Variants in STPG2 observed in about 807,000 individuals in gnomAD.
STPG2 encodes the protein sperm-tail PG-rich repeat-containing protein 2.
Under a neutral mutation model 54.2 loss-of-function variants are expected in STPG2, and 56 were observed. The ratio of observed to expected loss-of-function variants is 1.03; its 90% CI spans 0.83 to 1.29. The LOEUF (loss-of-function observed/expected upper bound fraction) is 1.29, where lower values mean the gene tolerates loss of function less well. Among genes scored for constraint, STPG2 ranks in the 50% most tolerant of loss-of-function variants. The pLI, the probability that STPG2 is intolerant of heterozygous loss-of-function variation, is 0.00. For synonymous variants in STPG2, 200 were observed against 181.8 expected, an observed-to-expected ratio of 1.10 and a Z score of -0.81; for missense variants, 596 against 544.9, an observed-to-expected ratio of 1.09 and a Z score of -0.93.
At chr4:97,913,935 T>A (rs1386067857) in intron 8 of STPG2, among the ~76,000 whole-genome samples, 1 of 152,104 alleles carries the variant, frequency 6.6e-6, no homozygotes, top group South Asian at 2.1e-4. Flanking sequence ...TTTATTTCAA[T>A]CAGAAATAAC....
At chr4:97,883,247 C>T (rs1730446189) in intron 8 of STPG2, among the ~76,000 whole-genome samples, 1 of 150,842 alleles carries the variant, frequency 6.6e-6, no homozygotes, top group African/African-American at 2.4e-5. Flanking sequence ...AATTAACTGG[C>T]CTTGTTGGTG....
chr4:97,875,102 G>A (rs1424659625), intron 8 of STPG2, among the ~76,000 whole-genome samples: 1 of 151,928 alleles, frequency 6.6e-6, no homozygotes, highest in Non-Finnish European at 1.5e-5. Flanking sequence ...CATTTAGATT[G>A]TTTCCAGTTT....
At chr4:97,660,948 C>T (rs569193178) in intron 10 of STPG2, among the ~76,000 whole-genome samples, 3 of 152,176 alleles carry the variant, frequency 2.0e-5, no homozygotes, top group East Asian at 3.9e-4. Flanking sequence ...TTGGGGTTCA[C>T]AGTCCTAGCA....
chr4:97,908,251 A>G (rs10132485), intron 8 of STPG2, among the ~76,000 whole-genome samples: 1 of 152,276 alleles, frequency 6.6e-6, no homozygotes, highest in African/African-American at 2.4e-5. Flanking sequence ...GCAGCCAAAA[A>G]ACACATGAAA....
chr4:98,086,987 C>T (rs1738538315), intron 5 of STPG2, among the ~76,000 whole-genome samples: 2 of 152,122 alleles, frequency 1.3e-5, no homozygotes, highest in Non-Finnish European at 2.9e-5. Context: ...GTATCGTTGT[C>T]AACAGCACAC....
At chr4:97,987,253 T>A (rs1459530795) in intron 5 of STPG2, among the ~76,000 whole-genome samples, 1 of 151,950 alleles carries the variant, frequency 6.6e-6, no homozygotes, top group Admixed American at 6.6e-5. Flanking sequence ...TCAGAAAAAA[T>A]TATCCAGCTC....
At position 97,931,470 on chromosome 4, in the gene STPG2, T is replaced by C. The variant is rs561203155; in HGVS notation, c.1044+12427A>G. On this transcript the variant is annotated intron_variant, in intron 8 of 10. Coordinates refer to ENST00000295268, the MANE Select transcript of STPG2 (RefSeq NM_174952.3). The stretch of plus-strand genomic sequence containing the variant: ...TGGTTTTTGTCTCTAGTTTGGCTTA[T>C]GTGATAAATCGCATTATCAATTTGC... Among the ~76,000 whole-genome samples, 188 of 152,322 alleles carry C rather than the reference T, an allele frequency of 1.2e-3. 1 individual carries two copies. The highest frequency in any genetic ancestry group is 3.9e-3 in the African/African-American group (161 of 41,572).
intron 7 of STPG2, among the ~76,000 whole-genome samples, chr4:97,950,218 A>G (rs1415889627): frequency 6.6e-6 from 1 of 151,916 alleles, no homozygotes; most frequent in Non-Finnish European, 1.5e-5. Context: ...ACTTTCTCTT[A>G]TTCCTCAAAA....
rs903138398 is a variant in STPG2, at chr4:97,669,042, T to TA, written c.1320+43656dup. On this transcript the variant is annotated intron_variant, in intron 10 of 10. Transcript: ENST00000295268. ...GACATGAACAATGATCCAGAGAGGTTAAAAAAAAAAATCAGGAAGAAGTCG... is the reference window on the plus strand; with the variant it reads ...GACATGAACAATGATCCAGAGAGGTTAAAAAAAAAAAATCAGGAAGAAGTCG... 7.2e-4 allele frequency among the ~76,000 whole-genome samples: 105 copies of TA among 146,508 alleles called. No individual in the cohort carries two copies. The Middle Eastern group carries it at 0.021, about 29-fold the overall frequency.
At chr4:97,966,093 C>T (rs1734087707) in intron 7 of STPG2, among the ~76,000 whole-genome samples, 1 of 152,116 alleles carries the variant, frequency 6.6e-6, no homozygotes, top group South Asian at 2.1e-4. Context: ...GCTAAAGGAG[C>T]ATGTTTGAGC....
chr4:97,976,577 G>A (rs1734506608), intron 6 of STPG2, among the ~76,000 whole-genome samples: 1 of 152,104 alleles, frequency 6.6e-6, no homozygotes, highest in Non-Finnish European at 1.5e-5. Context: ...GAGTTAAAAG[G>A]TTTAGGGGTG....
At chr4:97,904,345 C>A (rs1334479934) in intron 8 of STPG2, among the ~76,000 whole-genome samples, 2 of 152,222 alleles carry the variant, frequency 1.3e-5, no homozygotes, top group Non-Finnish European at 1.5e-5. Context: ...GGCAGACTGA[C>A]ACCTCACACG....
At chr4:97,670,931 C>T (rs562531648) in intron 10 of STPG2, among the ~76,000 whole-genome samples, 1 of 152,280 alleles carries the variant, frequency 6.6e-6, no homozygotes, top group Admixed American at 6.5e-5. Context: ...ACAATGGGAA[C>T]ATTCATCTTG....
At position 97,868,863 on chromosome 4, in the gene STPG2, T is replaced by C. The variant is rs966726312; in HGVS notation, c.1045-27931A>G. Among the ~76,000 whole-genome samples the C allele has an allele frequency of 3.2e-4, 48 of 151,982 alleles. 4 individuals carry two copies. Among genetic ancestry groups the C allele is most frequent in the Non-Finnish European group, 2.9e-5 (2 of 67,952 alleles). ...TTGCCTGATAAATATTCTCAATTTCTTTTAAAAGGTCATCCTTACATTTTT... is the reference window on the plus strand; with the variant it reads ...TTGCCTGATAAATATTCTCAATTTCCTTTAAAAGGTCATCCTTACATTTTT... On this transcript the variant is annotated intron_variant, in intron 8 of 10. Transcript: ENST00000295268.
intron 4 of STPG2, among the ~76,000 whole-genome samples, chr4:97,499,993 G>GCTTCACTT (rs1730690284): frequency 6.6e-6 from 1 of 151,996 alleles, no homozygotes; most frequent in African/African-American, 2.4e-5. Flanking sequence ...GTGAAGCCAT[G>GCTTCACTT]GAGAGTTTCA....
At chr4:97,977,156 A>G (rs1385297631) in intron 6 of STPG2, among the ~76,000 whole-genome samples, 1 of 152,148 alleles carries the variant, frequency 6.6e-6, no homozygotes, top group African/African-American at 2.4e-5. Context: ...TCCACTATTG[A>G]TCTTCATTAT....
At chr4:97,799,401 T>C (rs551999472) in intron 9 of STPG2, among the ~76,000 whole-genome samples, 1 of 152,300 alleles carries the variant, frequency 6.6e-6, no homozygotes, top group Non-Finnish European at 1.5e-5. Flanking sequence ...CTCTCAGCAT[T>C]TGCTTGTCTG....
At chr4:97,536,217 T>A (rs1210949622) in intron 4 of STPG2, among the ~76,000 whole-genome samples, 2 of 152,198 alleles carry the variant, frequency 1.3e-5, no homozygotes, top group Non-Finnish European at 2.9e-5. Context: ...TTAACATGAT[T>A]TCTTGAGTTC....
chr4:97,800,081 A>G (rs112041921), intron 9 of STPG2, among the ~76,000 whole-genome samples: 3,098 of 152,248 alleles, frequency 0.02, 99 homozygotes, highest in African/African-American at 0.071. Context: ...TTAGCCATTC[A>G]TCTAACCTTT....
Sources: allele counts gnomAD v4.1 joint callset (sites outside exome capture counted in the v4.1 genomes callset), GRCh38; gene constraint gnomAD v4.1.1; transcripts MANE v1.5; gene names NCBI Gene and HGNC (gene_info 2026-07-23, HGNC 2026-07-21).